Variants in RIIAD1 observed in about 807,000 individuals in gnomAD.
The protein encoded by RIIAD1 is regulatory subunit of type II PKA R-subunit domain containing 1, also known as RIIa domain-containing protein 1.
Under a neutral mutation model 13.3 loss-of-function variants are expected in RIIAD1, and 15 were observed. The ratio of observed to expected loss-of-function variants is 1.13; its 90% CI spans 0.76 to 1.74. RIIAD1 has a LOEUF of 1.74. Among genes scored for constraint, RIIAD1 ranks in the 40% most tolerant of loss-of-function variants. The pLI is 0.00. For synonymous variants in RIIAD1, 50 were observed against 43.3 expected (o/e 1.16, Z -0.61); for missense variants, 121 against 112.2 (o/e 1.08, Z -0.35).
In RIIAD1 at chr1:151,715,537, C is replaced by A. The variant is rs537548360; in HGVS notation, c.21+1008C>A. The stretch of plus-strand genomic sequence containing the variant: ...TGCTGCACACGCACACACACACACA[C>A]CCCTACCCAGCTGCTTATCTCCCAA... On this transcript the variant is annotated intron_variant, in intron 4 of 8. Transcript: ENST00000326413. The A allele has an allele frequency of 1.4e-3, 1,583 of 1,093,958 alleles. 5 individuals are homozygous for A. Among genetic ancestry groups the A allele is most frequent in the Middle Eastern group, 2.0e-3 (9 of 4,482 alleles). The allele number at this position is 1,093,958 out of a possible 1,614,324, so 67.8% of individuals were successfully genotyped here.
chr1:151,727,101 C>A (rs1243445343), intron 2 of RIIAD1, among the ~76,000 whole-genome samples: 1 of 152,054 alleles, frequency 6.6e-6, no homozygotes, highest in East Asian at 1.9e-4. Flanking sequence ...CCAGCCTGGG[C>A]CACATAGTAA....
At chr1:151,727,476 G>T (rs1673852732) in intron 2 of RIIAD1, 99 bp from the exon 3 acceptor site, 1 of 785,776 alleles carries the variant, frequency 1.3e-6, no homozygotes, top group African/African-American at 1.7e-5. Context: ...AGATGGTTGT[G>T]TCTCAGGTTC....
At chr1:151,727,483 G>T (rs1411163866) in intron 2 of RIIAD1, 92 bp from the exon 3 acceptor site, 3 of 823,898 alleles carry the variant, frequency 3.6e-6, no homozygotes, top group African/African-American at 1.7e-5. Flanking sequence ...TGTGTCTCAG[G>T]TTCATCTGTG....
At chr1:151,716,403 G>A in intron 4 of RIIAD1, 1 of 270,064 alleles carries the variant, frequency 3.7e-6, no homozygotes, top group Non-Finnish European at 7.3e-6. Context: ...AGAGCTGGAG[G>A]CGGGGAAAGG....
intron 4 of RIIAD1, chr1:151,716,009 C>A (rs781166346): frequency 6.2e-7 from 1 of 1,612,342 alleles, no homozygotes; most frequent in East Asian, 2.2e-5. Flanking sequence ...TGATGGCATC[C>A]GGCTCCTTCA....
chr1:151,714,029 A>ACCTGCCCAGG (rs942149089), intron 3 of RIIAD1, among the ~76,000 whole-genome samples: 3 of 151,966 alleles, frequency 2.0e-5, no homozygotes, highest in Admixed American at 2.0e-4. Flanking sequence ...TCCAGCCCAG[A>ACCTGCCCAGG]CCTGCCCAGG....
At chr1:151,725,160 G>T (rs1281431486) in intron 2 of RIIAD1, among the ~76,000 whole-genome samples, 1 of 140,474 alleles carries the variant, frequency 7.1e-6, no homozygotes, top group Non-Finnish European at 1.5e-5. Context: ...ATCTGGGCTG[G>T]AGTGCAGTGG....
chr1:151,722,219 C>T, intron 2 of RIIAD1, 57 bp downstream of exon 2: 1 of 1,038,934 alleles, frequency 9.6e-7, no homozygotes, highest in Non-Finnish European at 1.5e-6. Context: ...TTCGTTATCT[C>T]TAGAGGTTTC....
chr1:151,714,450 A>G (rs1201254952), exon 4 of RIIAD1: 18 of 719,944 alleles, frequency 2.5e-5, no homozygotes, highest in Middle Eastern at 2.3e-4. Flanking sequence ...CTACAGCAAG[A>G]AAGATGGATG....
upstream of RIIAD1, among the ~76,000 whole-genome samples, chr1:151,720,313 G>A (rs745592118): frequency 8.0e-5 from 12 of 149,148 alleles, no homozygotes; most frequent in Non-Finnish European, 1.6e-4. Flanking sequence ...TTGGCCAAGA[G>A]GAACCATTAT....
At chr1:151,714,770 A>G in intron 4 of RIIAD1, 1 of 893,328 alleles carries the variant, frequency 1.1e-6, no homozygotes, top group Non-Finnish European at 1.8e-6. Context: ...ACGACTGGGA[A>G]GCTTTCCCTT....
At chr1:151,728,723 C>T in intron 3 of RIIAD1, 43 bp from the exon 4 acceptor site, 2 of 1,193,582 alleles carry the variant, frequency 1.7e-6, no homozygotes, top group Non-Finnish European at 2.4e-6. Context: ...AAATCTTTTC[C>T]CTTTGGGTAT....
At chr1:151,728,578 C>T in intron 3 of RIIAD1, 188 bp from the exon 4 acceptor site, 1 of 565,058 alleles carries the variant, frequency 1.8e-6, no homozygotes, top group East Asian at 3.0e-5. Flanking sequence ...CTGGCAGAAT[C>T]AGAACTGCTC....
At chr1:151,716,724 C>T (rs965820396), upstream of RIIAD1, 7 of 459,752 alleles carry the variant, frequency 1.5e-5, no homozygotes, top group African/African-American at 1.0e-4. Flanking sequence ...CGGCTGCTCC[C>T]GCCGCTGGGG....
upstream of RIIAD1, chr1:151,719,508 TA>T (rs1465408989): frequency 4.8e-6 from 3 of 629,906 alleles, no homozygotes; most frequent in African/African-American, 1.8e-5. Flanking sequence ...ATAATTGGGA[TA>T]TTTTTCAGAA....
intron 3 of RIIAD1, chr1:151,714,287 C>T: frequency 5.2e-6 from 3 of 576,368 alleles, no homozygotes; most frequent in South Asian, 2.3e-5. Flanking sequence ...GAGACTTTTC[C>T]CCACACCTTC....
chr1:151,726,229 C>G (rs1411571530), intron 2 of RIIAD1, among the ~76,000 whole-genome samples: 1 of 152,222 alleles, frequency 6.6e-6, no homozygotes, highest in Admixed American at 6.5e-5. Flanking sequence ...CCTCTCTCCC[C>G]ACTCTGATCT....
intron 3 of RIIAD1, among the ~76,000 whole-genome samples, chr1:151,713,848 G>T (rs996539984): frequency 3.3e-5 from 5 of 152,236 alleles, no homozygotes; most frequent in Admixed American, 2.6e-4. Context: ...CCATGGAAGG[G>T]CTTGGGACAA....
intron 2 of RIIAD1, among the ~76,000 whole-genome samples, chr1:151,712,537 G>T (rs1378741837): frequency 2.0e-5 from 3 of 152,204 alleles, no homozygotes; most frequent in Non-Finnish European, 4.4e-5. Context: ...GGTTCAGGGT[G>T]AAGGGGGAAG....
Sources: gnomAD v4.1 joint callset for allele counts (sites outside exome capture counted in the v4.1 genomes callset) on GRCh38, gnomAD v4.1.1 for gene constraint, MANE v1.5 for transcripts, NCBI Gene and HGNC (gene_info 2026-07-23, HGNC 2026-07-21) for gene names.